KIAA1217: variants seen among roughly 807,000 people sequenced by gnomAD.
The protein encoded by KIAA1217 is KIAA1217.
Under a neutral mutation model 163.9 loss-of-function variants are expected in KIAA1217, and 88 were observed. The observed-to-expected ratio is 0.54, with a 90% CI of 0.45 to 0.64. The LOEUF is 0.64. KIAA1217 is among the 30% of genes least tolerant of loss of function. The pLI is 0.00. For missense variants in KIAA1217, 2,372 were observed against 2,475.0 expected (o/e 0.96, Z 0.88); for synonymous variants, 903 against 923.1 (o/e 0.98, Z 0.39).
intron 6 of KIAA1217, among the ~76,000 whole-genome samples, chr10:24,484,241 A>ATATATATATATATATTTTTTTTTTT (rs1376083298): frequency 4.0e-5 from 3 of 75,148 alleles, no homozygotes; most frequent in Non-Finnish European, 7.5e-5. Context: ...ATATATATAT[A>ATATATATATATATATTTTTTTTTTT]TTTTTTTTTT....
intron 2 of KIAA1217, among the ~76,000 whole-genome samples, chr10:24,160,588 C>T (rs559224199): frequency 2.0e-4 from 31 of 152,066 alleles, no homozygotes; most frequent in Admixed American, 3.9e-4. Flanking sequence ...CAATAGTTTC[C>T]CTGTTCTGTT....
At chr10:23,973,152 G>T (rs554712846) in intron 1 of KIAA1217, among the ~76,000 whole-genome samples, 1 of 145,520 alleles carries the variant, frequency 6.9e-6, no homozygotes, top group South Asian at 2.3e-4. Flanking sequence ...ATATCACTTT[G>T]TCAGCTAATA....
chr10:23,827,847 T>C (rs1044201030), intron 1 of KIAA1217, among the ~76,000 whole-genome samples: 4 of 152,048 alleles, frequency 2.6e-5, no homozygotes, highest in East Asian at 3.9e-4. Flanking sequence ...AAGAGGGCTG[T>C]TGGTGTCACA....
chr10:24,054,563 C>T (rs1308738266), intron 2 of KIAA1217, among the ~76,000 whole-genome samples: 1 of 152,208 alleles, frequency 6.6e-6, no homozygotes, highest in African/African-American at 2.4e-5. Flanking sequence ...GTATTCTACG[C>T]ATTTCCTCCC....
At chr10:24,145,682 A>G (rs755918300) in intron 2 of KIAA1217, among the ~76,000 whole-genome samples, 4 of 152,238 alleles carry the variant, frequency 2.6e-5, no homozygotes, top group East Asian at 3.9e-4. Flanking sequence ...AAAAGTAGGG[A>G]AGCCAACAAT....
intron 2 of KIAA1217, among the ~76,000 whole-genome samples, chr10:24,116,375 T>G (rs2063054720): frequency 6.6e-6 from 1 of 152,078 alleles, no homozygotes; most frequent in Admixed American, 6.5e-5. Context: ...AGATGGCAAA[T>G]ATTTTGGGCT....
At chr10:24,073,544 T>C (rs922187490) in intron 2 of KIAA1217, among the ~76,000 whole-genome samples, 1 of 152,180 alleles carries the variant, frequency 6.6e-6, no homozygotes, top group African/African-American at 2.4e-5. Flanking sequence ...CCAGAAAACA[T>C]GTCGAGGGCT....
chr10:23,898,779 T>C lies in KIAA1217; in HGVS notation c.-320-108446T>C, dbSNP rs757278222. 5.3e-5 allele frequency among the ~76,000 whole-genome samples: 8 copies of C among 152,256 alleles called. No individual in the cohort carries two copies. In the East Asian group the frequency reaches 9.7e-4, roughly 18 times the overall value. On this transcript the variant is annotated intron_variant, in intron 1 of 18. Coordinates refer to the KIAA1217 transcript ENST00000376462. ...TCCTCACAACTGTCATTCTACTTTCTGTCTCAATGAATTTGACTACTCTAT... is the reference window on the plus strand; with the variant it reads ...TCCTCACAACTGTCATTCTACTTTCCGTCTCAATGAATTTGACTACTCTAT...
intron 2 of KIAA1217, among the ~76,000 whole-genome samples, chr10:24,020,276 T>C (rs1048899143): frequency 1.3e-5 from 2 of 152,128 alleles, no homozygotes; most frequent in Admixed American, 6.6e-5. Context: ...AAGAGGGAAG[T>C]TGGCTGTGAA....
chr10:24,021,074 G>T (rs986432886), intron 2 of KIAA1217, among the ~76,000 whole-genome samples: 2 of 152,026 alleles, frequency 1.3e-5, no homozygotes, highest in East Asian at 1.9e-4. Flanking sequence ...TATGTTTAAA[G>T]AATTCAGGGA....
chr10:24,042,255 T>C, intron 2 of KIAA1217: 1 of 152,064 alleles, frequency 6.6e-6, no homozygotes, highest in East Asian at 1.9e-4. Context: ...TGTTTTTTTT[T>C]TTTTCTTGTT....
intron 1 of KIAA1217, among the ~76,000 whole-genome samples, chr10:23,962,274 C>A (rs920305263): frequency 6.6e-6 from 1 of 152,146 alleles, no homozygotes; most frequent in Admixed American, 6.5e-5. Flanking sequence ...CCTCACATAG[C>A]CTCAGTTTCC....
intron 1 of KIAA1217, among the ~76,000 whole-genome samples, chr10:23,754,032 C>A (rs1833788578): frequency 6.6e-6 from 1 of 152,156 alleles, no homozygotes; most frequent in Non-Finnish European, 1.5e-5. Context: ...CTGGAGTTAA[C>A]CCTTTCTTGA....
At chr10:24,508,290 C>A (rs1320343685) in intron 9 of KIAA1217, among the ~76,000 whole-genome samples, 1 of 152,036 alleles carries the variant, frequency 6.6e-6, no homozygotes, top group African/African-American at 2.4e-5. Context: ...AAGCATGTAA[C>A]AAAATTTAGC....
At chr10:23,972,316 T>A (rs1845347857) in intron 1 of KIAA1217, among the ~76,000 whole-genome samples, 1 of 152,272 alleles carries the variant, frequency 6.6e-6, no homozygotes, top group Non-Finnish European at 1.5e-5. Flanking sequence ...TGCACATGTA[T>A]GTTTATTGCA....
chr10:24,530,109 C>G (rs1389667190), intron 14 of KIAA1217, among the ~76,000 whole-genome samples: 2 of 152,026 alleles, frequency 1.3e-5, no homozygotes, highest in Non-Finnish European at 2.9e-5. Context: ...ACATTTTTAT[C>G]TTGTGTAATT....
At chr10:24,062,562 A>T (rs2060770438) in intron 2 of KIAA1217, among the ~76,000 whole-genome samples, 1 of 151,080 alleles carries the variant, frequency 6.6e-6, no homozygotes, top group African/African-American at 2.5e-5. Flanking sequence ...GGTTGGTTCC[A>T]AGTCTTTGCT....
chr10:24,100,540 G>A (rs2062372106), intron 2 of KIAA1217, among the ~76,000 whole-genome samples: 1 of 152,114 alleles, frequency 6.6e-6, no homozygotes, highest in Non-Finnish European at 1.5e-5. Context: ...ACTGTAAATA[G>A]GGTGCTTTCT....
intron 6 of KIAA1217, chr10:24,482,373 C>G (rs2064827654): frequency 6.6e-6 from 1 of 151,762 alleles, no homozygotes; most frequent in Admixed American, 6.6e-5. Flanking sequence ...ATTCAGATAA[C>G]TCGGTCCTTT....
Sources: gnomAD v4.1 joint callset for allele counts (sites outside exome capture counted in the v4.1 genomes callset) on GRCh38, gnomAD v4.1.1 for gene constraint, MANE v1.5 for transcripts, NCBI Gene and HGNC (gene_info 2026-07-23, HGNC 2026-07-21) for gene names.